The following ARSB variants were observed in gnomAD, a reference collection of about 807,000 sequenced individuals.
ARSB encodes the protein N-acetylgalactosamine-4-sulfatase.
In ARSB, 41 loss-of-function variants were observed where a neutral mutation model predicts 50.9. That is an observed-to-expected ratio of 0.81 (90% CI 0.63 to 1.04). ARSB has a LOEUF of 1.04. ARSB is among the 50% of genes least tolerant of loss of function. The pLI is 0.00. For missense variants in ARSB, 672 were observed against 693.3 expected, an observed-to-expected ratio of 0.97 and a Z score of 0.35; for synonymous variants, 269 against 284.8, an observed-to-expected ratio of 0.94 and a Z score of 0.56.
At chr5:78,944,310 G>A (rs191416) in intron 4 of ARSB, among the ~76,000 whole-genome samples, 34,420 of 152,104 alleles carry the variant, frequency 0.23, 4,171 homozygotes, top group East Asian at 0.45. Context: ...GCTTTGTTCC[G>A]TTGCTGGTGA....
At position 78,879,398 on chromosome 5, in the gene ARSB, G is replaced by A. The variant is rs149920542; in HGVS notation, c.1142+6186C>T. On this transcript the variant is annotated intron_variant, in intron 5 of 7. Coordinates refer to ENST00000264914, the MANE Select transcript of ARSB (RefSeq NM_000046.5). Reference sequence around the variant, plus strand: ...GCAACAAAGAAAAACTGAAGCAGTCGAAGGAGCTCCTATTGTAAATAATGT... The same window carrying A: ...GCAACAAAGAAAAACTGAAGCAGTCAAAGGAGCTCCTATTGTAAATAATGT... Among the ~76,000 whole-genome samples the A allele has an allele frequency of 1.9e-4, 29 of 152,290 alleles. No individual in the cohort carries two copies. The East Asian group carries it at 5.4e-3, about 28-fold the overall frequency.
At chr5:78,891,958 G>A (rs1748314939) in intron 4 of ARSB, among the ~76,000 whole-genome samples, 1 of 152,052 alleles carries the variant, frequency 6.6e-6, no homozygotes, top group Admixed American at 6.6e-5. Context: ...CTGTGGGTTT[G>A]GGCAAGTACT....
At chr5:78,977,803 A>C (rs1303346942) in intron 1 of ARSB, among the ~76,000 whole-genome samples, 1 of 152,192 alleles carries the variant, frequency 6.6e-6, no homozygotes, top group Non-Finnish European at 1.5e-5. Context: ...TCTTGCACTA[A>C]AAAACTCTAA....
At chr5:78,979,770 G>A (rs1252204778) in intron 1 of ARSB, among the ~76,000 whole-genome samples, 1 of 152,200 alleles carries the variant, frequency 6.6e-6, no homozygotes, top group East Asian at 1.9e-4. Flanking sequence ...GAGAAGTCCT[G>A]CAACAATACG....
chr5:78,862,377 A>T (rs559988773), intron 5 of ARSB, among the ~76,000 whole-genome samples: 2 of 152,214 alleles, frequency 1.3e-5, no homozygotes, highest in East Asian at 1.9e-4. Context: ...CTACAAGGCT[A>T]CAGTAACCAA....
intron 4 of ARSB, among the ~76,000 whole-genome samples, chr5:78,919,246 A>G (rs1371006852): frequency 6.6e-6 from 1 of 152,218 alleles, no homozygotes; most frequent in African/African-American, 2.4e-5. Context: ...GGGACCACAT[A>G]GTCCTTATTC....
chr5:78,807,284 T>C (rs933375169), intron 6 of ARSB, among the ~76,000 whole-genome samples: 3 of 152,232 alleles, frequency 2.0e-5, no homozygotes, highest in Admixed American at 2.0e-4. Flanking sequence ...TCCCAGTTGG[T>C]TGGTGGTCCC....
intron 1 of ARSB, among the ~76,000 whole-genome samples, chr5:78,982,155 C>T (rs1363772089): frequency 7.0e-5 from 2 of 28,776 alleles, no homozygotes; most frequent in Non-Finnish European, 1.8e-4. Context: ...GATCTCCTGA[C>T]CTCATGATCC....
chr5:78,834,615 A>G lies in ARSB; in HGVS notation c.1213+4741T>C, dbSNP rs1328624484. ...TCATGGTATATATATGTGTATATAT[A>G]TATATATATATATATATATATATAT... On this transcript the variant is annotated intron_variant, in intron 6 of 7. Transcript: ENST00000264914. 4.1e-3 allele frequency among the ~76,000 whole-genome samples: 496 copies of G among 122,094 alleles called. 9 individuals carry two copies. The highest frequency in any genetic ancestry group is 7.2e-3 in the African/African-American group (188 of 26,148). 80.1% of individuals were successfully genotyped at this position (122,094 alleles called of 152,430 possible).
At chr5:78,834,605 GTGTA>G (rs1167389468) in intron 6 of ARSB, among the ~76,000 whole-genome samples, 2 of 65,262 alleles carry the variant, frequency 3.1e-5, no homozygotes, top group Non-Finnish European at 6.1e-5. Flanking sequence ...GTATATATAT[GTGTA>G]TATATATATA....
At chr5:78,802,735 T>C (rs1743437322) in intron 6 of ARSB, among the ~76,000 whole-genome samples, 2 of 152,244 alleles carry the variant, frequency 1.3e-5, no homozygotes, top group East Asian at 3.8e-4. Flanking sequence ...ATCTAACCTG[T>C]TCTCCCCTTT....
chr5:78,852,728 C>T (rs1365406090), intron 5 of ARSB, among the ~76,000 whole-genome samples: 1 of 152,200 alleles, frequency 6.6e-6, no homozygotes, highest in East Asian at 1.9e-4. Context: ...TCACATAGTC[C>T]CATATTTCTT....
chr5:78,961,765 C>T (rs950945633), intron 3 of ARSB, among the ~76,000 whole-genome samples: 2 of 151,904 alleles, frequency 1.3e-5, no homozygotes, highest in Admixed American at 6.6e-5. Flanking sequence ...TAGCTGGCTT[C>T]TGCTTGCCTC....
At chr5:78,936,681 T>C (rs1455232141) in intron 4 of ARSB, among the ~76,000 whole-genome samples, 1 of 152,196 alleles carries the variant, frequency 6.6e-6, no homozygotes, top group African/African-American at 2.4e-5. Context: ...TTTGCATCTC[T>C]AGTCAGCAGA....
intron 3 of ARSB, 43 bp from the exon 4 acceptor site, chr5:78,955,545 G>T: frequency 6.8e-7 from 1 of 1,478,830 alleles, no homozygotes; most frequent in Non-Finnish European, 9.5e-7. Flanking sequence ...GGATATTGAA[G>T]CATTAAATAT....
At chr5:78,957,655 A>G (rs1751788675) in intron 3 of ARSB, among the ~76,000 whole-genome samples, 1 of 151,982 alleles carries the variant, frequency 6.6e-6, no homozygotes, top group Non-Finnish European at 1.5e-5. Flanking sequence ...CTCTGCTTCC[A>G]CTCGACACAC....
chr5:78,793,002 A>G (rs893708164), intron 6 of ARSB, among the ~76,000 whole-genome samples: 1 of 152,192 alleles, frequency 6.6e-6, no homozygotes, highest in Non-Finnish European at 1.5e-5. Flanking sequence ...ACAGAGTGCA[A>G]TAGAACAGAG....
At chr5:78,866,534 G>C (rs773868523) in intron 5 of ARSB, among the ~76,000 whole-genome samples, 1 of 152,188 alleles carries the variant, frequency 6.6e-6, no homozygotes, top group Non-Finnish European at 1.5e-5. Flanking sequence ...ACACCCAAGG[G>C]ACAAAATGTT....
intron 4 of ARSB, among the ~76,000 whole-genome samples, chr5:78,927,301 T>G (rs1386900483): frequency 6.6e-6 from 1 of 152,212 alleles, no homozygotes; most frequent in Non-Finnish European, 1.5e-5. Context: ...AATTCAGTAT[T>G]TTACCCTTAC....
Sources: gnomAD v4.1 joint callset for allele counts (sites outside exome capture counted in the v4.1 genomes callset) on GRCh38, gnomAD v4.1.1 for gene constraint, MANE v1.5 for transcripts, NCBI Gene and HGNC (gene_info 2026-07-23, HGNC 2026-07-21) for gene names.